The following BBX variants were observed in gnomAD, a reference collection of about 807,000 sequenced individuals.
BBX encodes the protein HMG box transcription factor BBX.
Under a neutral mutation model 100.2 loss-of-function variants are expected in BBX, and 30 were observed. The ratio of observed to expected loss-of-function variants is 0.30; its 90% CI spans 0.22 to 0.41. The LOEUF (loss-of-function observed/expected upper bound fraction) is 0.41, where lower values mean the gene tolerates loss of function less well. BBX is among the 10% of genes least tolerant of loss of function. BBX has a pLI of 1.00. For synonymous variants in BBX, 376 were observed against 388.1 expected (o/e 0.97, Z 0.37); for missense variants, 1,023 against 1,129.8 (o/e 0.91, Z 1.35).
chr3:107,799,791 G>A (rs1471661776), intron 16 of BBX, among the ~76,000 whole-genome samples: 1 of 152,146 alleles, frequency 6.6e-6, no homozygotes, highest in African/African-American at 2.4e-5. Flanking sequence ...TTGTCTGTTT[G>A]CTGTTCCTGG....
At chr3:107,590,748 G>T (rs1477644130) in intron 2 of BBX, among the ~76,000 whole-genome samples, 4 of 152,178 alleles carry the variant, frequency 2.6e-5, no homozygotes, top group Non-Finnish European at 5.9e-5. Flanking sequence ...ATTTCAGTGA[G>T]TTGGGCTGCT....
At chr3:107,544,995 A>C (rs2049124943) in intron 2 of BBX, among the ~76,000 whole-genome samples, 1 of 152,036 alleles carries the variant, frequency 6.6e-6, no homozygotes, top group Non-Finnish European at 1.5e-5. Context: ...GAGCCTGGGC[A>C]ACAGAGCGAG....
intron 2 of BBX, among the ~76,000 whole-genome samples, chr3:107,625,866 A>C (rs137867710): frequency 6.6e-6 from 1 of 152,210 alleles, no homozygotes; most frequent in Non-Finnish European, 1.5e-5. Flanking sequence ...GTATGTGTGC[A>C]GGTTTGTTAC....
Position 107,523,117 on chromosome 3 carries a change from C to A in BBX, c.-156+10C>A, listed in dbSNP as rs1576148697. 6.3e-6 allele frequency: 1 copy of A among 158,800 alleles called. No individual in the cohort carries two copies. The highest frequency in any genetic ancestry group is 1.4e-5 in the Non-Finnish European group (1 of 71,478). 9.8% of individuals were successfully genotyped at this position (158,800 alleles called of 1,614,324 possible). A position where few individuals can be genotyped will look rare whatever the true frequency, so the allele number is the denominator to read the frequency against. ...CCGGCGAGCCCGCGAGGTAGGCGCC[C>A]CCCATCCCCAGCCCTCCCTGGGCGC... On this transcript the variant is annotated intron_variant, in intron 1 of 17. Transcript: ENST00000325805.
At chr3:107,647,949 CAT>C (rs888672677) in intron 3 of BBX, among the ~76,000 whole-genome samples, 7 of 152,236 alleles carry the variant, frequency 4.6e-5, no homozygotes, top group African/African-American at 1.7e-4. Flanking sequence ...GGAAGTGGCA[CAT>C]GTCATTAACT....
At chr3:107,666,005 T>C (rs552706867) in intron 3 of BBX, among the ~76,000 whole-genome samples, 2 of 152,186 alleles carry the variant, frequency 1.3e-5, no homozygotes, top group South Asian at 2.1e-4. Flanking sequence ...ATGTAGTCTT[T>C]CCATTAACTA....
At chr3:107,654,539 A>G (rs182693702) in intron 3 of BBX, among the ~76,000 whole-genome samples, 1 of 152,308 alleles carries the variant, frequency 6.6e-6, no homozygotes, top group African/African-American at 2.4e-5. Flanking sequence ...GAATACTTAT[A>G]AAGATCTTGA....
intron 12 of BBX, among the ~76,000 whole-genome samples, chr3:107,775,933 C>G (rs900024237): frequency 6.8e-6 from 1 of 146,902 alleles, no homozygotes; most frequent in Non-Finnish European, 1.5e-5. Context: ...ATTAATTTTG[C>G]TTATAATTTT....
chr3:107,621,864 AT>A (rs1051935663), intron 2 of BBX, among the ~76,000 whole-genome samples: 3 of 152,104 alleles, frequency 2.0e-5, no homozygotes, highest in Non-Finnish European at 4.4e-5. Flanking sequence ...TCCCCTTTAA[AT>A]ACTCTTATTC....
chr3:107,766,610 A>T (rs965892728), intron 10 of BBX, among the ~76,000 whole-genome samples: 1 of 152,192 alleles, frequency 6.6e-6, no homozygotes, highest in Non-Finnish European at 1.5e-5. Context: ...AAAAAAAGAT[A>T]ATTGTATATT....
chr3:107,573,800 C>T (rs1490202622), intron 2 of BBX, among the ~76,000 whole-genome samples: 1 of 152,152 alleles, frequency 6.6e-6, no homozygotes, highest in Non-Finnish European at 1.5e-5. Context: ...GATCTCAGCT[C>T]ACCGCAACCT....
At position 107,791,422 on chromosome 3, in the gene BBX, A is replaced by G. The variant is rs2069018610; in HGVS notation, c.2353+123A>G. The G allele has an allele frequency of 4.0e-6, 3 of 756,884 alleles. No homozygotes were observed. The South Asian group carries it at 7.1e-5, about 18-fold the overall frequency. 46.9% of individuals were successfully genotyped at this position (756,884 alleles called of 1,614,324 possible). On this transcript the variant is annotated intron_variant, in intron 15 of 17. Coordinates refer to ENST00000325805, the MANE Select transcript of BBX (RefSeq NM_001142568.3). The stretch of plus-strand genomic sequence containing the variant: ...AACAGCACTAGACTTATGTGTTCAT[A>G]ATTAGGTTATTTTTAATTTTCACAT...
intron 3 of BBX, among the ~76,000 whole-genome samples, chr3:107,649,632 G>A (rs2057721538): frequency 7.5e-6 from 1 of 133,382 alleles, no homozygotes; most frequent in Admixed American, 8.1e-5. Flanking sequence ...ATCCGACAGT[G>A]CATATCTAAA....
intron 3 of BBX, among the ~76,000 whole-genome samples, chr3:107,658,285 A>G (rs1489399539): frequency 6.6e-6 from 1 of 152,134 alleles, no homozygotes; most frequent in African/African-American, 2.4e-5. Flanking sequence ...TAAATATGTT[A>G]CCTTAGACTA....
intron 2 of BBX, among the ~76,000 whole-genome samples, chr3:107,561,074 C>A (rs1225605101): frequency 6.6e-6 from 1 of 152,170 alleles, no homozygotes; most frequent in Non-Finnish European, 1.5e-5. Flanking sequence ...TCAAAAATAT[C>A]TCTAGACATT....
intron 2 of BBX, among the ~76,000 whole-genome samples, chr3:107,623,776 G>T (rs1239368439): frequency 6.6e-6 from 1 of 152,150 alleles, no homozygotes; most frequent in African/African-American, 2.4e-5. Context: ...TTGGGAAAAA[G>T]ATAAAACATA....
At chr3:107,558,439 G>T (rs528797800) in intron 2 of BBX, among the ~76,000 whole-genome samples, 42 of 152,232 alleles carry the variant, frequency 2.8e-4, no homozygotes, top group African/African-American at 9.6e-4. Context: ...AGTGAGCCAA[G>T]ATCACACCAC....
In BBX at chr3:107,526,410, A is replaced by G. The variant is rs917724223; in HGVS notation, c.-84+12A>G. 1 of 398,462 alleles carries G rather than the reference A, an allele frequency of 2.5e-6. No homozygotes were observed. Among genetic ancestry groups the G allele is most frequent in the African/African-American group, 2.1e-5 (1 of 48,606 alleles). 24.7% of individuals were successfully genotyped at this position (398,462 alleles called of 1,614,324 possible). On this transcript the variant is annotated intron_variant, in intron 2 of 17. Transcript: ENST00000325805. ...ATTTGCCTTCCTGGGTAAGTATGCA[A>G]ACTGTTCGTACAGGGAAGCAGGATG... is the stretch of plus-strand genomic sequence containing the variant.
chr3:107,545,369 A>G (rs1171612850), intron 2 of BBX, among the ~76,000 whole-genome samples: 1 of 152,238 alleles, frequency 6.6e-6, no homozygotes, highest in Non-Finnish European at 1.5e-5. Flanking sequence ...TGTGATGAGG[A>G]AAGTGGGCTC....
Sources: allele counts gnomAD v4.1 joint callset (sites outside exome capture counted in the v4.1 genomes callset), GRCh38; gene constraint gnomAD v4.1.1; transcripts MANE v1.5; gene names NCBI Gene and HGNC (gene_info 2026-07-23, HGNC 2026-07-21).